Variants in CCDC7 observed in about 807,000 individuals in gnomAD.
CCDC7 encodes coiled-coil domain-containing protein 7.
In CCDC7, 183 loss-of-function variants were observed where a neutral mutation model predicts 196.9. The observed-to-expected ratio is 0.93, with a 90% CI of 0.82 to 1.05. The LOEUF (loss-of-function observed/expected upper bound fraction) is 1.05, where lower values mean the gene tolerates loss of function less well. Ranked by LOEUF, CCDC7 falls within the 50% of genes least tolerant of loss-of-function variation. The pLI, the probability that CCDC7 is intolerant of heterozygous loss-of-function variation, is 0.00. For synonymous variants in CCDC7, 525 were observed against 484.6 expected (o/e 1.08, Z -1.10); for missense variants, 1,540 against 1,482.2 (o/e 1.04, Z -0.64).
chr10:32,466,257 T>TC (rs2036761244), intron 5 of CCDC7, among the ~76,000 whole-genome samples: 1 of 50,244 alleles, frequency 2.0e-5, no homozygotes, highest in African/African-American at 7.5e-5. Context: ...TTTCTCTCTC[T>TC]TTTTTTTTTT....
chr10:32,634,936 C>T (rs1030497973), intron 19 of CCDC7, 121 bp from the exon 21 acceptor site: 32 of 393,286 alleles, frequency 8.1e-5, no homozygotes, highest in Non-Finnish European at 5.4e-5. Flanking sequence ...TCTATTTTAA[C>T]GAATACCTCA....
intron 28 of CCDC7, among the ~76,000 whole-genome samples, chr10:32,765,511 C>T (rs1346529158): frequency 6.6e-6 from 1 of 151,990 alleles, no homozygotes; most frequent in Non-Finnish European, 1.5e-5. Flanking sequence ...ACATTGGTTT[C>T]CTGACCTGTG....
At chr10:32,582,560 A>G (rs2058849232) in intron 16 of CCDC7, among the ~76,000 whole-genome samples, 1 of 152,156 alleles carries the variant, frequency 6.6e-6, no homozygotes, top group Non-Finnish European at 1.5e-5. Context: ...TAGAGAATAA[A>G]TACCCCTTAT....
At chr10:32,629,004 A>G (rs367644864) in intron 18 of CCDC7, among the ~76,000 whole-genome samples, 1 of 152,094 alleles carries the variant, frequency 6.6e-6, no homozygotes, top group African/African-American at 2.4e-5. Flanking sequence ...GTATATATCT[A>G]TTAGGTTCGC....
chr10:32,846,515 T>A, intron 37 of CCDC7, 56 bp downstream of exon 38: 1 of 1,082,392 alleles, frequency 9.2e-7, no homozygotes, highest in Non-Finnish European at 1.4e-6. Flanking sequence ...TTCCCTGAGT[T>A]AAATTAAGTA....
At chr10:32,581,024 A>G (rs776871560) in intron 16 of CCDC7, among the ~76,000 whole-genome samples, 2 of 152,116 alleles carry the variant, frequency 1.3e-5, no homozygotes. Context: ...TTGTACATCT[A>G]TTTGCTTAGT....
intron 24 of CCDC7, among the ~76,000 whole-genome samples, chr10:32,701,110 G>C (rs1240440967): frequency 1.3e-5 from 2 of 152,210 alleles, no homozygotes; most frequent in Non-Finnish European, 2.9e-5. Context: ...GGAGTGGTAA[G>C]AGAGGGCATC....
At chr10:32,711,637 G>C in exon 25 of CCDC7, 2 of 1,586,898 alleles carry the variant, frequency 1.3e-6, no homozygotes, top group Non-Finnish European at 1.7e-6. Context: ...TGAAGAATCA[G>C]GTGAAAATCC....
At chr10:32,689,698 G>T (rs2076854984) in intron 23 of CCDC7, among the ~76,000 whole-genome samples, 1 of 152,018 alleles carries the variant, frequency 6.6e-6, no homozygotes, top group Non-Finnish European at 1.5e-5. Context: ...TAGGGAAAAT[G>T]AGAGTGTATT....
intron 24 of CCDC7, among the ~76,000 whole-genome samples, chr10:32,698,505 TTAAA>T (rs1383488745): frequency 6.6e-6 from 1 of 151,974 alleles, no homozygotes; most frequent in East Asian, 1.9e-4. Context: ...AGAGAAGACC[TTAAA>T]TAACCTGGTG....
intron 9 of CCDC7, among the ~76,000 whole-genome samples, chr10:32,505,856 G>A (rs1355259606): frequency 1.4e-5 from 2 of 147,556 alleles, no homozygotes; most frequent in African/African-American, 5.0e-5. Flanking sequence ...GGCGGGCAGA[G>A]GTGCTCCTCA....
intron 29 of CCDC7, among the ~76,000 whole-genome samples, chr10:32,801,712 A>G (rs2084829042): frequency 6.6e-6 from 1 of 152,116 alleles, no homozygotes; most frequent in African/African-American, 2.4e-5. Context: ...TCCTGAGGAA[A>G]ATCAGCATTG....
chr10:32,700,896 C>G (rs2078598566), intron 24 of CCDC7, among the ~76,000 whole-genome samples: 1 of 152,142 alleles, frequency 6.6e-6, no homozygotes, highest in Admixed American at 6.5e-5. Context: ...GAGTTTTGCA[C>G]ATTGATTTTG....
intron 25 of CCDC7, among the ~76,000 whole-genome samples, chr10:32,714,248 G>A (rs150662083): frequency 1.3e-5 from 2 of 152,186 alleles, no homozygotes; most frequent in African/African-American, 2.4e-5. Flanking sequence ...AGCTCAAGGA[G>A]GGCGAGCAGA....
chr10:32,607,054 T>C (rs139692747), intron 18 of CCDC7, among the ~76,000 whole-genome samples: 25 of 152,294 alleles, frequency 1.6e-4, no homozygotes, highest in African/African-American at 6.0e-4. Flanking sequence ...AGATCCCCCG[T>C]GGCTTGGTGC....
chr10:32,685,930 T>A, intron 21 of CCDC7, 40 bp from the exon 23 acceptor site: 1 of 1,189,314 alleles, frequency 8.4e-7, no homozygotes, highest in Non-Finnish European at 1.2e-6. Context: ...AAAAGATCCA[T>A]TTTTCTATTT....
At chr10:32,546,410 TG>T (rs1313391295) in intron 13 of CCDC7, among the ~76,000 whole-genome samples, 5 of 152,348 alleles carry the variant, frequency 3.3e-5, no homozygotes, top group African/African-American at 1.2e-4. Context: ...GCAGAGCCTT[TG>T]TTTTATCTAA....
At chr10:32,756,926 A>G (rs193289115) in intron 28 of CCDC7, among the ~76,000 whole-genome samples, 4 of 152,324 alleles carry the variant, frequency 2.6e-5, no homozygotes, top group Non-Finnish European at 5.9e-5. Context: ...CAAATGGAAA[A>G]CAAAGAAAAA....
intron 18 of CCDC7, among the ~76,000 whole-genome samples, chr10:32,602,363 G>A (rs1402561749): frequency 6.6e-6 from 1 of 152,120 alleles, no homozygotes; most frequent in Non-Finnish European, 1.5e-5. Flanking sequence ...AGGGTCTGTC[G>A]CTTCATTCTT....
Sources: allele counts gnomAD v4.1 joint callset (sites outside exome capture counted in the v4.1 genomes callset), GRCh38; gene constraint gnomAD v4.1.1; transcripts MANE v1.5; gene names NCBI Gene and HGNC (gene_info 2026-07-23, HGNC 2026-07-21).